MAPK8: variants seen among roughly 807,000 people sequenced by gnomAD.
MAPK8 encodes the protein JUN N-terminal kinase.
In MAPK8, 13 loss-of-function variants were observed where a neutral mutation model predicts 52.9. The ratio of observed to expected loss-of-function variants is 0.25; its 90% confidence interval spans 0.16 to 0.39. The LOEUF is 0.39. MAPK8 is among the 10% of genes least tolerant of loss of function. MAPK8 has a pLI of 1.00. For synonymous variants in MAPK8, 191 were observed against 169.8 expected (o/e 1.12, Z -0.97); for missense variants, 300 against 519.2 (o/e 0.58, Z 4.10).
chr10:48,387,702 C>T (rs1037235065), intron 1 of MAPK8, among the ~76,000 whole-genome samples: 2 of 152,146 alleles, frequency 1.3e-5, no homozygotes, highest in African/African-American at 4.8e-5. Flanking sequence ...TGAGAATCTG[C>T]TGTTCTCTCT....
At chr10:48,361,291 T>C (rs912857098) in intron 1 of MAPK8, among the ~76,000 whole-genome samples, 1 of 152,202 alleles carries the variant, frequency 6.6e-6, no homozygotes, top group Non-Finnish European at 1.5e-5. Flanking sequence ...GCTTTTCCAG[T>C]GTGTCACTTG....
chr10:48,347,636 G>A (rs1845915850), intron 1 of MAPK8, among the ~76,000 whole-genome samples: 2 of 152,210 alleles, frequency 1.3e-5, no homozygotes, highest in Admixed American at 6.5e-5. Context: ...ATAAGAGTGA[G>A]AACATGTGGT....
intron 1 of MAPK8, among the ~76,000 whole-genome samples, chr10:48,370,138 G>C (rs1848415602): frequency 6.6e-6 from 1 of 152,154 alleles, no homozygotes; most frequent in Non-Finnish European, 1.5e-5. Context: ...CATTGTAATG[G>C]TGAAGAGTGA....
At chr10:48,410,906 G>A (rs2042712606) in intron 5 of MAPK8, among the ~76,000 whole-genome samples, 1 of 152,136 alleles carries the variant, frequency 6.6e-6, no homozygotes, top group Non-Finnish European at 1.5e-5. Flanking sequence ...TCATGTGCTT[G>A]TGGCCATTTG....
At chr10:48,380,197 A>G (rs1311590018) in intron 1 of MAPK8, among the ~76,000 whole-genome samples, 1 of 152,022 alleles carries the variant, frequency 6.6e-6, no homozygotes, top group Non-Finnish European at 1.5e-5. Context: ...AGCTGAGATC[A>G]TGCCATTGTA....
At chr10:48,406,255 C>T (rs905860214) in intron 3 of MAPK8, among the ~76,000 whole-genome samples, 4 of 152,152 alleles carry the variant, frequency 2.6e-5, no homozygotes, top group Admixed American at 2.6e-4. Flanking sequence ...CATTCTTGTT[C>T]CAAGCGGGAA....
At chr10:48,404,774 T>C in intron 2 of MAPK8, 78 bp from the exon 3 acceptor site, 1 of 1,131,730 alleles carries the variant, frequency 8.8e-7, no homozygotes, top group South Asian at 1.5e-5. Flanking sequence ...GTGAGAAATG[T>C]ATATGACTGT....
intron 3 of MAPK8, among the ~76,000 whole-genome samples, chr10:48,408,426 A>G (rs2042579818): frequency 1.3e-5 from 2 of 152,238 alleles, no homozygotes; most frequent in African/African-American, 2.4e-5. Flanking sequence ...AGTTGAGTAG[A>G]TAAATGACAA....
At chr10:48,410,431 A>G in intron 5 of MAPK8, 1 of 301,368 alleles carries the variant, frequency 3.3e-6, no homozygotes, top group South Asian at 1.6e-4. Flanking sequence ...TATATGAAAT[A>G]CGGCGTGATG....
chr10:48,425,839 T>TGAAA, intron 7 of MAPK8, 49 bp from the exon 8 acceptor site: 2 of 343,394 alleles, frequency 5.8e-6, no homozygotes, highest in East Asian at 8.5e-5. Context: ...ATATGACTAA[T>TGAAA]GTATTGAACA....
intron 1 of MAPK8, among the ~76,000 whole-genome samples, chr10:48,313,168 C>T (rs568636061): frequency 1.3e-5 from 2 of 152,168 alleles, no homozygotes; most frequent in Admixed American, 6.5e-5. Context: ...CGCGGTGGCT[C>T]ACGCCTGTAA....
Position 48,372,560 on chromosome 10 carries a change from G to A in MAPK8, c.-49-29052G>A, listed in dbSNP as rs1042451058. Among the ~76,000 whole-genome samples, 5 of 152,056 alleles carry A rather than the reference G, an allele frequency of 3.3e-5. No homozygotes were observed. The East Asian group carries it at 5.8e-4, about 18-fold the overall frequency. On this transcript the variant is annotated intron_variant, in intron 1 of 11. Transcript: ENST00000374189. ...CTGATGGAACTGAAAAACACAGCAC[G>A]AGAACTTTGTGAAGCATACACAAGT... is the stretch of plus-strand genomic sequence containing the variant.
intron 1 of MAPK8, among the ~76,000 whole-genome samples, chr10:48,400,968 GC>G (rs11332662): frequency 0.46 from 69,787 of 151,936 alleles, 16,225 homozygotes; most frequent in South Asian, 0.57. Flanking sequence ...ATCCCAATAT[GC>G]CTAACTACTT....
chr10:48,393,145 T>C (rs1436914252), intron 1 of MAPK8, among the ~76,000 whole-genome samples: 1 of 152,162 alleles, frequency 6.6e-6, no homozygotes, highest in Non-Finnish European at 1.5e-5. Flanking sequence ...ACTTAACGAC[T>C]ACTCTTGAAT....
At chr10:48,309,029 C>CT (rs1320316287) in intron 1 of MAPK8, among the ~76,000 whole-genome samples, 3 of 152,116 alleles carry the variant, frequency 2.0e-5, no homozygotes, top group Non-Finnish European at 4.4e-5. Context: ...GGTTGAAAAT[C>CT]TTTGAGATAC....
rs1848483324 is a variant in MAPK8, at chr10:48,370,981, A to C, written c.-49-30631A>C. On this transcript the variant is annotated intron_variant, in intron 1 of 11. Coordinates refer to ENST00000374189, the MANE Select transcript of MAPK8 (RefSeq NM_001323329.2). ...AGAGAAAAGATGCTTACAAGCTTTG[A>C]GAATTTGTGAAGAAACTCAAAAGAG... Among the ~76,000 whole-genome samples, 4 of 152,288 alleles carry C rather than the reference A, an allele frequency of 2.6e-5. No homozygotes were observed. The South Asian group carries it at 8.3e-4, about 32-fold the overall frequency.
intron 11 of MAPK8, among the ~76,000 whole-genome samples, chr10:48,432,305 T>G (rs1226029808): frequency 6.6e-6 from 1 of 152,228 alleles, no homozygotes; most frequent in Non-Finnish European, 1.5e-5. Flanking sequence ...ATAGCGACAT[T>G]GTATACTATA....
At chr10:48,326,249 C>T (rs1394589981) in intron 1 of MAPK8, among the ~76,000 whole-genome samples, 1 of 152,164 alleles carries the variant, frequency 6.6e-6, no homozygotes, top group Admixed American at 6.5e-5. Context: ...TCAGTATGGA[C>T]TCATGGTTGC....
At chr10:48,359,908 A>C (rs992954632) in intron 1 of MAPK8, among the ~76,000 whole-genome samples, 1 of 152,250 alleles carries the variant, frequency 6.6e-6, no homozygotes, top group Non-Finnish European at 1.5e-5. Flanking sequence ...GTTCAGCTAC[A>C]TTGTTTTGGA....
Sources: allele counts gnomAD v4.1 joint callset (sites outside exome capture counted in the v4.1 genomes callset), GRCh38; gene constraint gnomAD v4.1.1; transcripts MANE v1.5; gene names NCBI Gene and HGNC (gene_info 2026-07-23, HGNC 2026-07-21).